MID1: variants seen among roughly 807,000 people sequenced by gnomAD.
MID1 encodes E3 ubiquitin-protein ligase Midline-1.
MID1 carries 7 observed loss-of-function variants against 40.4 expected under a neutral mutation model. That is an observed-to-expected ratio of 0.17 (90% CI 0.10 to 0.33). The LOEUF (loss-of-function observed/expected upper bound fraction) is 0.33. Among genes scored for constraint, MID1 ranks in the 10% least tolerant of loss-of-function variants. MID1 has a pLI of 1.00. For synonymous variants in MID1, 229 were observed against 221.2 expected (o/e 1.04, Z -0.31); for missense variants, 367 against 558.5 (o/e 0.66, Z 3.46).
At chrX:10,717,743 AT>A (rs774587871) in intron 1 of MID1, among the ~76,000 whole-genome samples, 2 of 110,302 alleles carry the variant, frequency 1.8e-5, no homozygotes, top group Admixed American at 9.7e-5. Context: ...CAGAATATAC[AT>A]TTTTTTTGGC....
intron 2 of MID1, among the ~76,000 whole-genome samples, chrX:10,527,110 T>C (rs1216622123): frequency 8.9e-6 from 1 of 112,274 alleles, no homozygotes; most frequent in Non-Finnish European, 1.9e-5. Flanking sequence ...TACTTTTCCA[T>C]ATAAAAGTCA....
At chrX:10,776,742 C>T (rs2043805135) in intron 1 of MID1, among the ~76,000 whole-genome samples, 1 of 111,146 alleles carries the variant, frequency 9.0e-6, no homozygotes, top group African/African-American at 3.3e-5. Context: ...TGGTGCACTC[C>T]TGTAGTCCCA....
chrX:10,596,121 A>AAT (rs1418630024), intron 1 of MID1, among the ~76,000 whole-genome samples: 2 of 112,452 alleles, frequency 1.8e-5, no homozygotes. Context: ...TGAAAAGACA[A>AAT]ATAGTTAAAC....
intron 7 of MID1, chrX:10,460,056 C>A: frequency 2.4e-6 from 1 of 415,187 alleles, no homozygotes. Flanking sequence ...TAAAGAGGTG[C>A]AATATATTTC....
chrX:10,634,910 C>T (rs187495234), intron 1 of MID1, among the ~76,000 whole-genome samples: 3 of 112,566 alleles, frequency 2.7e-5, no homozygotes, highest in East Asian at 2.8e-4. Flanking sequence ...GCCTGAGTCC[C>T]CCGTCTTTGT....
At chrX:10,511,356 C>G (rs760537821) in intron 3 of MID1, among the ~76,000 whole-genome samples, 3 of 110,715 alleles carry the variant, frequency 2.7e-5, no homozygotes, top group East Asian at 5.6e-4. Flanking sequence ...AACATACAAA[C>G]AAATATTTCA....
chrX:10,445,476 T>G (rs1927994884), downstream of MID1: 1 of 112,365 alleles, frequency 8.9e-6, no homozygotes, highest in Non-Finnish European at 1.9e-5. Context: ...ATGGTAGATG[T>G]TGAATAAATA....
intron 1 of MID1, among the ~76,000 whole-genome samples, chrX:10,750,574 T>A (rs957463503): frequency 1.9e-4 from 21 of 110,212 alleles, no homozygotes; most frequent in African/African-American, 6.6e-4. Context: ...GAGGTTGCAG[T>A]GAGCTGAGAT....
At chrX:10,501,480 G>C in intron 3 of MID1, 1 of 1,152,855 alleles carries the variant, frequency 8.7e-7, no homozygotes. Flanking sequence ...TGCCTGTAGG[G>C]AGTTGCTGAC....
At chrX:10,538,048 T>C (rs1933326764) in intron 2 of MID1, among the ~76,000 whole-genome samples, 1 of 111,803 alleles carries the variant, frequency 8.9e-6, no homozygotes, top group Non-Finnish European at 1.9e-5. Flanking sequence ...CTCAGCTCAC[T>C]GCAGCCTTGA....
chrX:10,627,179 A>G (rs764421481), intron 1 of MID1, among the ~76,000 whole-genome samples: 5 of 112,251 alleles, frequency 4.5e-5, no homozygotes, highest in Non-Finnish European at 7.5e-5. Flanking sequence ...TTGTCCTTAA[A>G]GTCACTTCCT....
At chrX:10,789,940 T>C (rs982098530) in intron 1 of MID1, among the ~76,000 whole-genome samples, 2 of 110,773 alleles carry the variant, frequency 1.8e-5, no homozygotes, top group Non-Finnish European at 3.8e-5. Context: ...AACAACTACA[T>C]GGCATCGATG....
intron 1 of MID1, among the ~76,000 whole-genome samples, chrX:10,829,006 T>C (rs1358946660): frequency 8.9e-6 from 1 of 112,423 alleles, no homozygotes. Context: ...CCACCATTCA[T>C]TGCTCTGGAA....
At chrX:10,687,791 G>GC (rs1322145765) in intron 1 of MID1, among the ~76,000 whole-genome samples, 3 of 111,794 alleles carry the variant, frequency 2.7e-5, no homozygotes, top group African/African-American at 9.8e-5. Flanking sequence ...ATGGCTTGCT[G>GC]CAGCCTTGAC....
At chrX:10,679,458 C>T (rs2043044593) in intron 1 of MID1, among the ~76,000 whole-genome samples, 1 of 111,916 alleles carries the variant, frequency 8.9e-6, no homozygotes, top group South Asian at 3.8e-4. Context: ...AGTGGGCAAA[C>T]TATGGTCTGA....
chrX:10,607,568 G>A (rs777640642), intron 1 of MID1, among the ~76,000 whole-genome samples: 1 of 112,498 alleles, frequency 8.9e-6, no homozygotes, highest in Non-Finnish European at 1.9e-5. Context: ...GTATGTCTGT[G>A]TATATGTATG....
intron 1 of MID1, among the ~76,000 whole-genome samples, chrX:10,588,822 CT>C (rs1935200571): frequency 9.0e-6 from 1 of 111,368 alleles, no homozygotes; most frequent in Non-Finnish European, 1.9e-5. Flanking sequence ...GGCTTACAGG[CT>C]ACCTTGTGCC....
At chrX:10,491,174 T>C (rs1442443166) in intron 4 of MID1, among the ~76,000 whole-genome samples, 3 of 111,922 alleles carry the variant, frequency 2.7e-5, no homozygotes, top group Non-Finnish European at 3.8e-5. Flanking sequence ...GTCACACATA[T>C]ATTGTTTTTC....
At chrX:10,723,992 G>A (rs1394132003) in intron 1 of MID1, among the ~76,000 whole-genome samples, 5 of 112,397 alleles carry the variant, frequency 4.4e-5, no homozygotes, top group Non-Finnish European at 7.5e-5. Context: ...CTAGTCAAAA[G>A]CATACTGTTG....
Sources: gnomAD v4.1 joint callset for allele counts (sites outside exome capture counted in the v4.1 genomes callset) on GRCh38, gnomAD v4.1.1 for gene constraint, MANE v1.5 for transcripts, NCBI Gene and HGNC (gene_info 2026-07-23, HGNC 2026-07-21) for gene names.